Variants in OGDH observed in about 807,000 individuals in gnomAD.
OGDH encodes 2-oxoglutarate dehydrogenase complex component E1.
OGDH carries 38 observed loss-of-function variants against 116.6 expected under a neutral mutation model. That is an observed-to-expected ratio of 0.33 (90% CI 0.25 to 0.43). OGDH has a LOEUF of 0.43. Among genes scored for constraint, OGDH ranks in the 20% least tolerant of loss-of-function variants. The pLI is 1.00. For missense variants in OGDH, 825 were observed against 1,357.2 expected, an observed-to-expected ratio of 0.61 and a Z score of 6.16; for synonymous variants, 488 against 533.3, an observed-to-expected ratio of 0.92 and a Z score of 1.17.
rs577562230 is a variant in OGDH at position 44,665,195 on chromosome 7, G to A, written c.518-1541G>A. Among the ~76,000 whole-genome samples the A allele has an allele frequency of 1.3e-5, 2 of 151,276 alleles. 1 individual carries two copies. Among genetic ancestry groups the A allele is most frequent in the South Asian group, 4.2e-4 (2 of 4,800 alleles). On this transcript the variant is annotated intron_variant, in intron 4 of 22. Transcript: ENST00000222673. ...CACGTGCTTCACCTAGGCCCAAGTG[G>A]TTGCTGTGCCCTCAGTGTTGACAGA...
At position 44,608,198 on chromosome 7, in the gene OGDH, G is replaced by A. The variant is rs184602836; in HGVS notation, c.-28+1545G>A. Among the ~76,000 whole-genome samples, 570 of 152,260 alleles carry A rather than the reference G, an allele frequency of 3.7e-3. 5 individuals carry two copies. The highest frequency in any genetic ancestry group is 0.012 in the African/African-American group (518 of 41,552). ...GGAAGATCCCTTGAGCTCAGTTCAA[G>A]GAGACCAGCCTGAGCAACCAAAGTG... On this transcript the variant is annotated intron_variant, in intron 1 of 22. Transcript: ENST00000222673.
chr7:44,652,335 C>T (rs1786486700), intron 4 of OGDH, among the ~76,000 whole-genome samples: 1 of 151,296 alleles, frequency 6.6e-6, no homozygotes, highest in Non-Finnish European at 1.5e-5. Flanking sequence ...GTCTTGAACT[C>T]CTGACCTCAG....
rs577087482 is a variant in OGDH, at chr7:44,664,001, A to G, written c.518-2735A>G. On this transcript the variant is annotated intron_variant, in intron 4 of 22. Coordinates refer to ENST00000222673, the MANE Select transcript of OGDH (RefSeq NM_002541.4). ...GACTGTTCAAATCACAGGCGATTCT[A>G]ACATATTGGTCATCATGGTGTTGAT... Among the ~76,000 whole-genome samples the G allele has an allele frequency of 3.3e-5, 5 of 152,162 alleles. No individual in the cohort carries two copies. In the South Asian group the frequency reaches 1.0e-3, roughly 32 times the overall value.
intron 5 of OGDH, among the ~76,000 whole-genome samples, chr7:44,670,271 C>T (rs1298798279): frequency 2.0e-5 from 3 of 152,150 alleles, no homozygotes; most frequent in Non-Finnish European, 4.4e-5. Flanking sequence ...AAGGCATGGG[C>T]AGAGCCTGGG....
chr7:44,635,255 CGGTGTTCCTTGGTTACAT>C (rs1486450167), intron 2 of OGDH, among the ~76,000 whole-genome samples: 2 of 152,138 alleles, frequency 1.3e-5, no homozygotes, highest in African/African-American at 4.8e-5. Flanking sequence ...AGCCATACGC[CGGTGTTCCTTGGTTACAT>C]GGTGCCCTGT....
chr7:44,624,170 C>T (rs1040886858), intron 1 of OGDH, 147 bp from the exon 2 acceptor site: 1 of 615,900 alleles, frequency 1.6e-6, no homozygotes, highest in East Asian at 2.7e-5. Flanking sequence ...TAGAGTTGAA[C>T]ATGTTTTGTT....
At chr7:44,701,326 G>A (rs1373132764) in intron 19 of OGDH, among the ~76,000 whole-genome samples, 1 of 152,194 alleles carries the variant, frequency 6.6e-6, no homozygotes, top group Non-Finnish European at 1.5e-5. Flanking sequence ...GGCCCTGCCA[G>A]GAGTGGATAC....
At chr7:44,639,129 G>A (rs933532928) in intron 2 of OGDH, among the ~76,000 whole-genome samples, 11 of 152,234 alleles carry the variant, frequency 7.2e-5, no homozygotes, top group African/African-American at 2.2e-4. Context: ...CAAGTGGACA[G>A]GGAGGGCTCT....
At chr7:44,660,655 A>G (rs1296728278) in intron 4 of OGDH, among the ~76,000 whole-genome samples, 2 of 152,188 alleles carry the variant, frequency 1.3e-5, no homozygotes, top group Non-Finnish European at 1.5e-5. Flanking sequence ...AGAGCCAGGC[A>G]TGGTGGTTCA....
intron 2 of OGDH, among the ~76,000 whole-genome samples, chr7:44,641,068 ATT>A (rs779053737): frequency 9.1e-5 from 12 of 131,818 alleles, no homozygotes; most frequent in Non-Finnish European, 8.2e-5. Context: ...TAATTTTTGT[ATT>A]TTTTTTTTTT....
At chr7:44,682,666 G>C (rs1787978692) in intron 10 of OGDH, among the ~76,000 whole-genome samples, 1 of 151,938 alleles carries the variant, frequency 6.6e-6, no homozygotes, top group Admixed American at 6.6e-5. Context: ...ACTAAGCCTG[G>C]GCGACAGAGC....
At chr7:44,656,304 A>C in intron 4 of OGDH, 1 of 1,535,432 alleles carries the variant, frequency 6.5e-7, no homozygotes, top group East Asian at 2.4e-5. Flanking sequence ...ATGATACCCC[A>C]CTCTGCCTCT....
chr7:44,681,484 G>C (rs1239559155), intron 9 of OGDH, among the ~76,000 whole-genome samples: 1 of 152,214 alleles, frequency 6.6e-6, no homozygotes, highest in African/African-American at 2.4e-5. Context: ...CAGGTCTACA[G>C]CTCTTTCAGT....
intron 18 of OGDH, 71 bp from the exon 19 acceptor site, chr7:44,700,070 G>A (rs1020441053): frequency 1.3e-6 from 2 of 1,529,188 alleles, no homozygotes; most frequent in African/African-American, 1.4e-5. Context: ...TAGATCACCT[G>A]AGGGCCCCCA....
intron 4 of OGDH, among the ~76,000 whole-genome samples, chr7:44,664,870 T>C (rs775046958): frequency 3.9e-5 from 6 of 152,140 alleles, no homozygotes; most frequent in Admixed American, 6.5e-5. Flanking sequence ...CTCAGGATGA[T>C]AGAAGTGAAA....
chr7:44,689,318 C>T (rs1449267441), intron 10 of OGDH, among the ~76,000 whole-genome samples: 9 of 144,664 alleles, frequency 6.2e-5, no homozygotes, highest in Non-Finnish European at 1.0e-4. Context: ...CAGGTTCTAG[C>T]GATTCTTCTG....
At chr7:44,635,767 C>T (rs1785641070) in intron 2 of OGDH, among the ~76,000 whole-genome samples, 3 of 151,582 alleles carry the variant, frequency 2.0e-5, no homozygotes, top group Non-Finnish European at 1.5e-5. Context: ...TGCAGTGGCA[C>T]GATCTCGGCC....
At chr7:44,627,360 A>G (rs923168375) in intron 2 of OGDH, among the ~76,000 whole-genome samples, 9 of 152,248 alleles carry the variant, frequency 5.9e-5, no homozygotes, top group African/African-American at 2.2e-4. Flanking sequence ...TCTGTCACCC[A>G]TGAAAGTTTA....
intron 9 of OGDH, among the ~76,000 whole-genome samples, chr7:44,680,039 C>T (rs1293125038): frequency 3.9e-5 from 6 of 152,160 alleles, no homozygotes; most frequent in Middle Eastern, 3.4e-3. Flanking sequence ...GGTGAAACCT[C>T]GTGTCTACAA....
Sources: allele counts gnomAD v4.1 joint callset (sites outside exome capture counted in the v4.1 genomes callset), GRCh38; gene constraint gnomAD v4.1.1; transcripts MANE v1.5; gene names NCBI Gene and HGNC (gene_info 2026-07-23, HGNC 2026-07-21).